The following DAB1 variants were observed in gnomAD, a reference collection of about 807,000 sequenced individuals.
DAB1 encodes the protein DAB adaptor protein 1.
Under a neutral mutation model 64.6 loss-of-function variants are expected in DAB1, and 15 were observed. That is an observed-to-expected ratio of 0.23 (90% CI 0.16 to 0.36). The LOEUF is 0.36. Ranked by LOEUF, DAB1 falls within the 10% of genes least tolerant of loss-of-function variation. DAB1 has a pLI of 1.00. For synonymous variants in DAB1, 235 were observed against 251.9 expected, an observed-to-expected ratio of 0.93 and a Z score of 0.64; for missense variants, 596 against 706.7, an observed-to-expected ratio of 0.84 and a Z score of 1.78.
At chr1:57,580,367 G>A (rs932564514) in intron 7 of DAB1, among the ~76,000 whole-genome samples, 2 of 152,186 alleles carry the variant, frequency 1.3e-5, no homozygotes, top group East Asian at 3.9e-4. Context: ...CCCCATCCAT[G>A]TCTGGCCAAC....
At chr1:58,213,751 G>A (rs947395614) in intron 4 of DAB1, among the ~76,000 whole-genome samples, 1 of 152,110 alleles carries the variant, frequency 6.6e-6, no homozygotes, top group Non-Finnish European at 1.5e-5. Flanking sequence ...GAAGTGTCTG[G>A]ATCTGTAGTC....
intron 6 of DAB1, among the ~76,000 whole-genome samples, chr1:57,805,838 C>T (rs1337795837): frequency 1.3e-5 from 2 of 152,154 alleles, no homozygotes; most frequent in African/African-American, 4.8e-5. Flanking sequence ...TCAACTAATC[C>T]TTACACCCAG....
chr1:58,393,259 G>A (rs549904502), intron 3 of DAB1, among the ~76,000 whole-genome samples: 45 of 151,412 alleles, frequency 3.0e-4, no homozygotes, highest in African/African-American at 1.0e-3. Flanking sequence ...CTGGTTTCCT[G>A]AGCTCCAGTT....
At chr1:57,030,836 T>C (rs1043068986) in intron 9 of DAB1, among the ~76,000 whole-genome samples, 2 of 152,244 alleles carry the variant, frequency 1.3e-5, no homozygotes, top group African/African-American at 2.4e-5. Flanking sequence ...ATAAAAGGAA[T>C]GTTTATTTAA....
intron 2 of DAB1, among the ~76,000 whole-genome samples, chr1:57,208,764 A>T (rs1665785167): frequency 6.6e-6 from 1 of 152,062 alleles, no homozygotes; most frequent in South Asian, 2.1e-4. Flanking sequence ...TTTCATCCCC[A>T]TTTTGTAGAT....
intron 5 of DAB1, chr1:58,150,445 T>C (rs1284680464): frequency 6.6e-6 from 1 of 152,156 alleles, no homozygotes; most frequent in Non-Finnish European, 1.5e-5. Context: ...ATAAGTACTT[T>C]ACTAAAAATA....
chr1:57,463,218 C>G (rs994475342), intron 7 of DAB1, among the ~76,000 whole-genome samples: 1 of 152,124 alleles, frequency 6.6e-6, no homozygotes. Flanking sequence ...GAGCCTCAAT[C>G]TCCCATGTGG....
chr1:57,417,345 G>A (rs1371564616), intron 1 of DAB1, among the ~76,000 whole-genome samples: 1 of 152,130 alleles, frequency 6.6e-6, no homozygotes, highest in Admixed American at 6.6e-5. Context: ...CACAAGCTTA[G>A]CATTCCAATA....
intron 6 of DAB1, among the ~76,000 whole-genome samples, chr1:57,754,614 C>A (rs935057245): frequency 6.6e-6 from 1 of 151,822 alleles, no homozygotes; most frequent in Non-Finnish European, 1.5e-5. Flanking sequence ...TGAAAAAAAA[C>A]GGGAGGCGGA....
chr1:57,038,151 T>C (rs1647262615), intron 9 of DAB1, among the ~76,000 whole-genome samples: 1 of 152,236 alleles, frequency 6.6e-6, no homozygotes, highest in South Asian at 2.1e-4. Flanking sequence ...AGTCCTTCCT[T>C]ACATATTCTC....
At chr1:57,385,798 T>C (rs1406745930) in intron 1 of DAB1, among the ~76,000 whole-genome samples, 1 of 152,186 alleles carries the variant, frequency 6.6e-6, no homozygotes, top group Non-Finnish European at 1.5e-5. Context: ...GTCCCCAGAA[T>C]GGCAAGGTAC....
chr1:58,404,992 A>T (rs1644602889), intron 3 of DAB1, among the ~76,000 whole-genome samples: 1 of 152,166 alleles, frequency 6.6e-6, no homozygotes, highest in Non-Finnish European at 1.5e-5. Flanking sequence ...CATATTGAGC[A>T]TCCTAATCCC....
At chr1:57,349,583 T>C (rs1678408451) in intron 1 of DAB1, among the ~76,000 whole-genome samples, 1 of 152,230 alleles carries the variant, frequency 6.6e-6, no homozygotes, top group African/African-American at 2.4e-5. Context: ...TTTCCATGAA[T>C]GCACAAACTA....
intron 6 of DAB1, among the ~76,000 whole-genome samples, chr1:57,735,932 A>G (rs568148187): frequency 6.6e-6 from 1 of 152,286 alleles, no homozygotes; most frequent in African/African-American, 2.4e-5. Context: ...AAGAAATGAT[A>G]GCCTTTTTGG....
intron 4 of DAB1, among the ~76,000 whole-genome samples, chr1:58,187,839 A>G (rs1570462536): frequency 1.3e-5 from 2 of 150,050 alleles, no homozygotes; most frequent in South Asian, 2.1e-4. Flanking sequence ...TTGGCCTCCC[A>G]AAGTGCTGGG....
chr1:57,439,425 CTTTTTT>C (rs71051230), intron 7 of DAB1, among the ~76,000 whole-genome samples: 3 of 97,984 alleles, frequency 3.1e-5, no homozygotes, highest in African/African-American at 1.5e-4. Flanking sequence ...GAGGTTTTTT[CTTTTTT>C]TTTTTTTTTT....
intron 3 of DAB1, among the ~76,000 whole-genome samples, chr1:58,451,115 G>T (rs1287514702): frequency 6.6e-6 from 1 of 152,098 alleles, no homozygotes; most frequent in Non-Finnish European, 1.5e-5. Context: ...TCAGGGATAT[G>T]ATTTTGCTCT....
At chr1:58,505,174 AC>A (rs1557444693) in intron 3 of DAB1, among the ~76,000 whole-genome samples, 1 of 151,966 alleles carries the variant, frequency 6.6e-6, no homozygotes, top group Non-Finnish European at 1.5e-5. Flanking sequence ...CTGGTCTCGA[AC>A]TCCTGACCTC....
intron 2 of DAB1, among the ~76,000 whole-genome samples, chr1:57,207,037 C>T (rs111664790): frequency 0.013 from 1,752 of 132,222 alleles, 28 homozygotes; most frequent in African/African-American, 0.038. Context: ...GGCGCAGTCT[C>T]GGCTCACTGC....
Sources: gnomAD v4.1 joint callset for allele counts (sites outside exome capture counted in the v4.1 genomes callset) on GRCh38, gnomAD v4.1.1 for gene constraint, MANE v1.5 for transcripts, NCBI Gene and HGNC (gene_info 2026-07-23, HGNC 2026-07-21) for gene names.